Variants in PNPLA7 observed in about 807,000 individuals in gnomAD.
The protein encoded by PNPLA7 is patatin like domain 7, lysophospholipase.
PNPLA7 carries 153 observed loss-of-function variants against 161.7 expected under a neutral mutation model. The observed-to-expected ratio is 0.95, with a 90% CI of 0.83 to 1.08. PNPLA7 has a LOEUF of 1.08. PNPLA7 is among the 50% of genes least tolerant of loss of function. The probability of loss-of-function intolerance (pLI) is 0.00; values close to 1 mark genes in which losing one functional copy is unlikely to be tolerated. For synonymous variants in PNPLA7, 809 were observed against 782.1 expected (o/e 1.03, Z -0.57); for missense variants, 1,739 against 1,856.6 (o/e 0.94, Z 1.16).
chr9:137,489,907 G>A (rs868444957), intron 20 of PNPLA7, among the ~76,000 whole-genome samples: 4 of 152,242 alleles, frequency 2.6e-5, no homozygotes, highest in Admixed American at 6.5e-5. Context: ...ATTTCCAGAA[G>A]AGGTGGAGGG....
chr9:137,490,320 C>T lies in PNPLA7; in HGVS notation c.2197+2693G>A, dbSNP rs980221686. Among the ~76,000 whole-genome samples, 1 of 152,178 alleles carries T rather than the reference C, an allele frequency of 6.6e-6. No individual in the cohort carries two copies. Among genetic ancestry groups the T allele is most frequent in the African/African-American group, 2.4e-5 (1 of 41,426 alleles). ...CTATGTTGCCCGGGCTGGTCTCGAA[C>T]TCTTGGGCTCAAATAATCCTCCTGT... On this transcript the variant is annotated intron_variant, in intron 20 of 34. Transcript: ENST00000406427. This position sits in a 1 kb window ranked among gnomAD's most constrained non-coding sequence, Gnocchi z 4.1.
chr9:137,535,903 A>C (rs1835862081), intron 8 of PNPLA7, among the ~76,000 whole-genome samples: 1 of 152,012 alleles, frequency 6.6e-6, no homozygotes, highest in South Asian at 2.1e-4. Context: ...CTGTAATCCC[A>C]CCACTTTGGG....
intron 8 of PNPLA7, among the ~76,000 whole-genome samples, chr9:137,533,633 T>C (rs1401095918): frequency 7.5e-6 from 1 of 132,634 alleles, no homozygotes; most frequent in Non-Finnish European, 1.6e-5. Context: ...ATCCCCAGAC[T>C]CCTCCCCAAG....
intron 21 of PNPLA7, among the ~76,000 whole-genome samples, chr9:137,481,373 G>C (rs897081112): frequency 5.3e-5 from 8 of 152,258 alleles, no homozygotes; most frequent in Non-Finnish European, 1.0e-4. Flanking sequence ...AGGGAAGGCT[G>C]TGCGATGGGA....
At chr9:137,530,976 G>A (rs1336957204) in intron 8 of PNPLA7, among the ~76,000 whole-genome samples, 4 of 152,112 alleles carry the variant, frequency 2.6e-5, no homozygotes, top group Non-Finnish European at 5.9e-5. Context: ...CCCGCACATC[G>A]AGCACACCAG....
At chr9:137,514,518 C>T (rs35457963) in intron 12 of PNPLA7, among the ~76,000 whole-genome samples, 2,601 of 129,238 alleles carry the variant, frequency 0.02, 52 homozygotes, top group Non-Finnish European at 0.033. Flanking sequence ...GGTGCCCGGG[C>T]CCTGTGGCTG....
intron 12 of PNPLA7, 149 bp downstream of exon 12, chr9:137,515,230 G>T (rs1025832070): frequency 1.9e-6 from 2 of 1,037,052 alleles, no homozygotes; most frequent in Admixed American, 5.7e-5. Context: ...AGAGCCAGAG[G>T]ACAGGCACAG....
At position 137,499,300 on chromosome 9, in the gene PNPLA7, A is replaced by G. The variant is rs1458198614; in HGVS notation, c.1758-1055T>C. ...GACACAGAGACAGACACACGGACAC[A>G]TGCAGACACATGGAGACACACAGAG... On this transcript the variant is annotated intron_variant, in intron 16 of 34. Coordinates refer to ENST00000406427, the MANE Select transcript of PNPLA7 (RefSeq NM_001098537.3). The surrounding 1 kb of genome is among the most constrained non-coding windows in gnomAD (Gnocchi z 5.5). Among the ~76,000 whole-genome samples, 2 of 151,854 alleles carry G rather than the reference A, an allele frequency of 1.3e-5. No individual in the cohort carries two copies. The highest frequency in any genetic ancestry group is 2.9e-5 in the Non-Finnish European group (2 of 67,938).
intron 8 of PNPLA7, among the ~76,000 whole-genome samples, chr9:137,534,579 C>T (rs1835788118): frequency 6.6e-6 from 1 of 152,196 alleles, no homozygotes; most frequent in Non-Finnish European, 1.5e-5. Flanking sequence ...AAAAAAAAGA[C>T]CTACAGACCC....
At position 137,468,213 on chromosome 9, in the gene PNPLA7, G is replaced by A. The variant is rs141667891; in HGVS notation, c.2883-740C>T. On this transcript the variant is annotated intron_variant, in intron 25 of 34. Coordinates refer to ENST00000406427, the MANE Select transcript of PNPLA7 (RefSeq NM_001098537.3). This position sits in a 1 kb window ranked among gnomAD's most constrained non-coding sequence, Gnocchi z 4.0. ...AGACCAGGGGGCACCCCCGAGACCA[G>A]GCAGCCGGCACCCAGGGCCTCTAAT... 3.6e-3 allele frequency among the ~76,000 whole-genome samples: 553 copies of A among 151,764 alleles called. 4 individuals carry two copies. The highest frequency in any genetic ancestry group is 0.013 in the African/African-American group (519 of 41,410).
chr9:137,533,743 G>A (rs1835720783), intron 8 of PNPLA7, among the ~76,000 whole-genome samples: 2 of 144,988 alleles, frequency 1.4e-5, no homozygotes. Context: ...CAGGCAGGAG[G>A]GCTCCCAGAA....
intron 18 of PNPLA7, among the ~76,000 whole-genome samples, chr9:137,496,106 GT>G (rs911379420): frequency 1.3e-4 from 18 of 140,926 alleles, no homozygotes; most frequent in South Asian, 2.3e-4. Flanking sequence ...CCCACACACT[GT>G]TTTTTTTTTT....
chr9:137,508,738 T>C (rs887986228), intron 12 of PNPLA7: 2 of 152,108 alleles, frequency 1.3e-5, no homozygotes, highest in Non-Finnish European at 2.9e-5. Context: ...AGAAAAATAT[T>C]GATAAATTAG....
chr9:137,516,283 C>T (rs1834565058), intron 11 of PNPLA7: 1 of 979,752 alleles, frequency 1.0e-6, no homozygotes, highest in Non-Finnish European at 1.2e-6. Flanking sequence ...GGATGGGCCA[C>T]GCAGGGCTGC....
chr9:137,491,805 C>G, intron 20 of PNPLA7: 1 of 985,434 alleles, frequency 1.0e-6, no homozygotes. Flanking sequence ...TCCCAGCCAG[C>G]TCACACGCCA....
chr9:137,532,435 C>T (rs980638891), intron 8 of PNPLA7, among the ~76,000 whole-genome samples: 23 of 151,970 alleles, frequency 1.5e-4, no homozygotes, highest in Non-Finnish European at 2.9e-4. Flanking sequence ...AGACTGTCTC[C>T]AAAAAAGAAA....
chr9:137,460,418 TCAGA>T lies in PNPLA7; in HGVS notation c.4000_4003del (p.Ser1334ArgfsTer13), dbSNP rs1245321595. On this transcript the variant is annotated frameshift_variant, in exon 35 of 35. Coordinates refer to ENST00000406427, the MANE Select transcript of PNPLA7 (RefSeq NM_001098537.3). LOFTEE classifies it low-confidence loss of function (END_TRUNC). The stretch of plus-strand genomic sequence containing the variant: ...CTACCCGTCCTGGTCAGAGGAGCCC[TCAGA>T]CAGTTTTGGGAAAGCCAGACTGGGG... The T allele has an allele frequency of 3.1e-6, 5 of 1,612,654 alleles. No individual in the cohort carries two copies. The highest frequency in any genetic ancestry group is 1.7e-5 in the Admixed American group (1 of 60,006).
rs759546013 is a variant in PNPLA7 at position 137,497,248 on chromosome 9, C to T, written c.1952G>A (p.Arg651Gln). ...CAGGCGCTTCTTCCCATCATCCTTC[C>T]GGATCACAGAGCGCAGCCGGCCGCT... Reference protein sequence around the residue: ...MLSGRLRSVIRKDDGKKRLAG... With the variant: ...MLSGRLRSVIQKDDGKKRLAG... Residue 651 changes from arginine (R) to glutamine (Q), a missense_variant, in exon 18 of 35, where the codon CGG becomes CAG. By Grantham distance (43) the Arg-to-Gln change is conservative (BLOSUM62 1). Around this residue, in one of 6 missense-constraint regions of PNPLA7, gnomAD observed 481 missense variants for 450.0 expected, o/e 1.07. Transcript: ENST00000406427. 1.0e-5 allele frequency: 16 copies of T among 1,592,778 alleles called. No individual in the cohort carries two copies. Among genetic ancestry groups the T allele is most frequent in the Middle Eastern group, 1.7e-4 (1 of 6,018 alleles).
chr9:137,498,462 G>C (rs1396969024), intron 16 of PNPLA7, among the ~76,000 whole-genome samples: 2 of 152,246 alleles, frequency 1.3e-5, no homozygotes, highest in Non-Finnish European at 2.9e-5. Context: ...CAGCTGTTGG[G>C]GAGCCCAGAG....
Sources: allele counts gnomAD v4.1 joint callset (sites outside exome capture counted in the v4.1 genomes callset), GRCh38; gene constraint gnomAD v4.1.1; regional missense constraint gnomAD v4.1.1; non-coding constraint Gnocchi (gnomAD v3.1); transcripts MANE v1.5; gene names NCBI Gene and HGNC (gene_info 2026-07-23, HGNC 2026-07-21).